The following SCARF1 variants were observed in gnomAD, a reference collection of about 807,000 sequenced individuals.
SCARF1 encodes the protein scavenger receptor class F member 1.
SCARF1 carries 49 observed loss-of-function variants against 76.3 expected under a neutral mutation model. The observed-to-expected ratio is 0.64, with a 90% CI of 0.51 to 0.81. The LOEUF (loss-of-function observed/expected upper bound fraction) is 0.81. Among genes scored for constraint, SCARF1 ranks in the 40% least tolerant of loss-of-function variants. The probability of loss-of-function intolerance (pLI) is 0.00; values close to 1 mark genes in which losing one functional copy is unlikely to be tolerated. For synonymous variants in SCARF1, 495 were observed against 474.6 expected (o/e 1.04, Z -0.56); for missense variants, 1,098 against 1,143.9 (o/e 0.96, Z 0.58).
intron 4 of SCARF1, among the ~76,000 whole-genome samples, chr17:1,641,102 G>A (rs182742446): frequency 2.7e-4 from 41 of 152,338 alleles, no homozygotes; most frequent in African/African-American, 8.7e-4. Context: ...TGCAAAAAAT[G>A]TAAAGTGTTT....
In SCARF1 at chr17:1,640,154, T is replaced by C. The variant is rs992524831; in HGVS notation, c.1011-114A>G. On this transcript the variant is annotated intron_variant, in intron 5 of 10. Transcript: ENST00000263071. This position sits in a 1 kb window ranked among gnomAD's most constrained non-coding sequence, Gnocchi z 4.7. Reference sequence around the variant, plus strand: ...ACTCAAGGACCCAACTGGCCACTCCTCAGCAGTGAAGCTCAGGTGCAAATA... The same window carrying C: ...ACTCAAGGACCCAACTGGCCACTCCCCAGCAGTGAAGCTCAGGTGCAAATA... The C allele has an allele frequency of 1.5e-6, 2 of 1,294,778 alleles. No homozygotes were observed. The highest frequency in any genetic ancestry group is 1.5e-5 in the African/African-American group (1 of 67,370). The allele number at this position is 1,294,778 out of a possible 1,614,324, so 80.2% of individuals were successfully genotyped here.
At position 1,634,883 on chromosome 17, in the gene SCARF1, C is replaced by A. The variant is rs1230514428; in HGVS notation, c.2368G>T (p.Ala790Ser). Residue 790 changes from alanine (A) to serine (S), a missense_variant, in exon 11 of 11, where the codon GCC becomes TCC. Coordinates refer to ENST00000263071, the MANE Select transcript of SCARF1 (RefSeq NM_003693.4). Reference sequence around the variant, plus strand: ...CCACAGCCAGAGACTGGCTCCTGGGCTCTCCTTGAACTCTCGGTGCCAGCC... The same window carrying A: ...CCACAGCCAGAGACTGGCTCCTGGGATCTCCTTGAACTCTCGGTGCCAGCC... Reference protein sequence around the residue: ...LGAGTESSRRAQEPVSGCGSP... With the variant: ...LGAGTESSRRSQEPVSGCGSP... The A allele has an allele frequency of 5.6e-6, 9 of 1,613,882 alleles. No individual in the cohort carries two copies. The Admixed American group carries it at 1.2e-4, about 21-fold the overall frequency.
At chr17:1,636,538 G>A (rs1425826035) in intron 10 of SCARF1, among the ~76,000 whole-genome samples, 171 bp downstream of exon 10, 3 of 152,252 alleles carry the variant, frequency 2.0e-5, no homozygotes, top group South Asian at 4.1e-4. Context: ...ACTTGAACCC[G>A]GGAGGCAGAG....
rs999089983 is a variant in SCARF1 at position 1,640,449 on chromosome 17, TG to T, written c.1008del (p.Arg337GlyfsTer30). 1 of 1,552,936 alleles carries T rather than the reference TG, an allele frequency of 6.4e-7. No homozygotes were observed. Among genetic ancestry groups the T allele is most frequent in the Non-Finnish European group, 8.7e-7 (1 of 1,148,590 alleles). On this transcript the variant is annotated frameshift_variant and splice_region_variant, in exon 5 of 11. Transcript: ENST00000263071. LOFTEE classifies it high-confidence loss of function. The surrounding 1 kb of genome is among the most constrained non-coding windows in gnomAD (Gnocchi z 4.7). The part of the protein sequence containing the change: ...CQRCDPGWLG[P>X]RCEDPCPTGT... ...CCCTGAACAGAATGGTGCCCTCACC[TG>T]GGCCCCAGCCAGCCAGGGTCACAGC...
Position 1,643,714 on chromosome 17 carries a change from C to T in SCARF1, c.519G>A (p.Glu173=), listed in dbSNP as rs2151100852. The T allele has an allele frequency of 1.5e-6, 2 of 1,340,594 alleles. No individual in the cohort carries two copies. Among genetic ancestry groups the T allele is most frequent in the Non-Finnish European group, 1.9e-6 (2 of 1,052,902 alleles). The allele number at this position is 1,340,594 out of a possible 1,614,324, so 83.0% of individuals were successfully genotyped here. ...CQCNTAAARC[E]QATGACVCKP... is the part of the protein sequence containing the mutation. Reference sequence around the variant, plus strand: ...TGCACACGCAGGCGCCCGTGGCCTGCTCGCAGCGCGCCGCCGCGGTGTTGC... The same window carrying T: ...TGCACACGCAGGCGCCCGTGGCCTGTTCGCAGCGCGCCGCCGCGGTGTTGC... Residue 173 remains glutamate (E), a synonymous_variant, in exon 4 of 11, where the codon GAG becomes GAA. Transcript: ENST00000263071.
chr17:1,643,285 ACCGGTGTCCGCCCCGCCCACCG>A, intron 4 of SCARF1, 135 bp downstream of exon 4: 1 of 32,952 alleles, frequency 3.0e-5, no homozygotes, highest in Non-Finnish European at 5.1e-5. Context: ...CGCCCCGCCC[ACCGGTGTCCGCCCCGCCCACCG>A]GTGTCCGCCC....
At chr17:1,635,639 C>T in intron 10 of SCARF1, 22 bp from the exon 11 acceptor site, 1 of 1,589,876 alleles carries the variant, frequency 6.3e-7, no homozygotes, top group South Asian at 1.1e-5. Context: ...GACAGAAGAG[C>T]TTGGCTGGAG....
Position 1,643,498 on chromosome 17 carries a change from T to A in SCARF1, c.735A>T (p.Gly245=). Residue 245 remains glycine, a synonymous_variant, in exon 4 of 11, where the codon GGA becomes GGT. Transcript: ENST00000263071. Reference sequence around the variant, plus strand: ...CCGGGCAGGGCAGCTCGCAGCGCGCTCCGCGGAAGCCGGGCGGGCAGGTGC... The same window carrying A: ...CCGGGCAGGGCAGCTCGCAGCGCGCACCGCGGAAGCCGGGCGGGCAGGTGC... ...GECTCPPGFR[G]ARCELPCPAG... is the part of the protein sequence containing the mutation. The A allele has an allele frequency of 1.5e-6, 2 of 1,338,186 alleles. No individual in the cohort carries two copies. Among genetic ancestry groups the A allele is most frequent in the Non-Finnish European group, 1.9e-6 (2 of 1,052,392 alleles). 82.9% of individuals were successfully genotyped at this position (1,338,186 alleles called of 1,614,324 possible). A position where few individuals can be genotyped will look rare whatever the true frequency, so the allele number is the denominator to read the frequency against.
Position 1,636,989 on chromosome 17 carries a change from T to A in SCARF1, c.1438A>T (p.Thr480Ser). 6.2e-7 allele frequency: 1 copy of A among 1,613,934 alleles called. No homozygotes were observed. The highest frequency in any genetic ancestry group is 1.1e-5 in the South Asian group (1 of 91,072). Residue 480 changes from threonine to serine, a missense_variant, in exon 9 of 11, where the codon ACG becomes TCG. Physicochemically the swap from Thr to Ser is moderately conservative, Grantham distance 58 (BLOSUM62 1). Transcript: ENST00000263071. The part of the protein sequence containing the change: ...VWGTLTSLGS[T>S]LPCRSLSSHK... ...GAGCTGAGGGAACGGCAGGGCAGCG[T>A]GGAGCCCAAGCTGGTCAGTGTCCCC...
rs543673772 is a variant in SCARF1 at position 1,643,900 on chromosome 17, G to A, written c.333C>T (p.Cys111=). ...ESCPCHPHGQ[C]EPATGACQCQ... ...ACTGGCACGCGCCCGTGGCTGGCTC[G>A]CACTGGCCGTGCGGGTGGCAGGGGC... The change falls in exon 4 of 11, where the codon TGC becomes TGT. Residue 111 remains cysteine (C), a synonymous_variant. Transcript: ENST00000263071. 742 of 1,331,118 alleles carry A rather than the reference G, an allele frequency of 5.6e-4. 5 individuals carry two copies. In the African/African-American group the frequency reaches 0.01, roughly 18 times the overall value. 82.5% of individuals were successfully genotyped at this position (1,331,118 alleles called of 1,614,324 possible).
chr17:1,642,004 G>A (rs1479714928), intron 4 of SCARF1, among the ~76,000 whole-genome samples: 1 of 152,154 alleles, frequency 6.6e-6, no homozygotes, highest in African/African-American at 2.4e-5. Context: ...TTACAGGCGT[G>A]AGCCACCGCG....
At chr17:1,638,686 TC>T (rs1319933535) in intron 8 of SCARF1, 119 bp downstream of exon 8, 14 of 777,442 alleles carry the variant, frequency 1.8e-5, no homozygotes, top group Non-Finnish European at 2.2e-5. Flanking sequence ...CCCACCCCCA[TC>T]ACCTCTGACC....
chr17:1,643,674 C>T lies in SCARF1; in HGVS notation c.559G>A (p.Gly187Arg). The T allele has an allele frequency of 6.8e-7, 1 of 1,464,952 alleles. No individual in the cohort carries two copies. The highest frequency in any genetic ancestry group is 9.0e-7 in the Non-Finnish European group (1 of 1,115,618). 90.7% of individuals were successfully genotyped at this position (1,464,952 alleles called of 1,614,324 possible). A position where few individuals can be genotyped will look rare whatever the true frequency, so the allele number is the denominator to read the frequency against. Residue 187 changes from glycine to arginine, a missense_variant, in exon 4 of 11, where the codon GGG becomes AGG. By Grantham distance (125) the Gly-to-Arg change is moderately radical. Transcript: ENST00000263071. Reference sequence around the variant, plus strand: ...TTGCAGCGGAAGCTGCAGCGGCGCCCCCACCAGCCCGGCTTGCACACGCAG... The same window carrying T: ...TTGCAGCGGAAGCTGCAGCGGCGCCTCCACCAGCCCGGCTTGCACACGCAG... ...GACVCKPGWW[G>R]RRCSFRCNCH...
rs866629099 is a variant in SCARF1, at chr17:1,639,904, A to G, written c.1139+8T>C. The G allele has an allele frequency of 1.2e-6, 2 of 1,613,008 alleles. No individual in the cohort carries two copies. The highest frequency in any genetic ancestry group is 8.5e-7 in the Non-Finnish European group (1 of 1,179,438). ...GCACTCTCCCGCCCCCGGGATCCCC[A>G]TCCTTACCTGGGCCCCCAGTAGCCG... On this transcript the variant is annotated splice_region_variant and intron_variant, in intron 6 of 10. Transcript: ENST00000263071.
chr17:1,635,873 C>T (rs1380533288), intron 10 of SCARF1, among the ~76,000 whole-genome samples: 9 of 151,940 alleles, frequency 5.9e-5, no homozygotes, highest in Non-Finnish European at 1.0e-4. Flanking sequence ...CCTCCCGCCT[C>T]AGCCTCCCAA....
rs773604062 is a variant in SCARF1, at chr17:1,635,051, GGC to G, written c.2198_2199del (p.Arg733ProfsTer76). 729 of 1,613,956 alleles carry G rather than the reference GGC, an allele frequency of 4.5e-4. No homozygotes were observed. The highest frequency in any genetic ancestry group is 5.7e-4 in the Non-Finnish European group (669 of 1,179,938). ...CTGCCCTTTTTCCGATTCAGGGCCT[GGC>G]GCGGAGGCTTAGGGATGGCCCTCTT... is the stretch of plus-strand genomic sequence containing the variant. ...KVKRAIPKPPRQALNRKKGSP... is the reference protein window; with the variant it reads ...KVKRAIPKPPXQALNRKKGSP... On this transcript the variant is annotated frameshift_variant, in exon 11 of 11. Transcript: ENST00000263071. LOFTEE classifies it low-confidence loss of function (END_TRUNC).
intron 4 of SCARF1, among the ~76,000 whole-genome samples, chr17:1,641,925 TTAGC>T (rs1910085275): frequency 6.6e-6 from 1 of 152,048 alleles, no homozygotes; most frequent in Non-Finnish European, 1.5e-5. Context: ...TTTCACCATG[TTAGC>T]CAGGCTGGTC....
At chr17:1,642,632 C>A (rs1420777537) in intron 4 of SCARF1, among the ~76,000 whole-genome samples, 1 of 152,110 alleles carries the variant, frequency 6.6e-6, no homozygotes, top group Non-Finnish European at 1.5e-5. Context: ...GCTAGCAGTG[C>A]TAGTATATTT....
At position 1,640,126 on chromosome 17, in the gene SCARF1, T is replaced by C. The variant is rs1030355096; in HGVS notation, c.1011-86A>G. 6.6e-7 allele frequency: 1 copy of C among 1,506,854 alleles called. No homozygotes were observed. The highest frequency in any genetic ancestry group is 9.0e-7 in the Non-Finnish European group (1 of 1,114,690). 93.3% of individuals were successfully genotyped at this position (1,506,854 alleles called of 1,614,324 possible). ...GCCCCACCCCTCCGCCCCACGCTCC[T>C]GGACTCAAGGACCCAACTGGCCACT... On this transcript the variant is annotated intron_variant, in intron 5 of 10. Transcript: ENST00000263071. This position sits in a 1 kb window ranked among gnomAD's most constrained non-coding sequence, Gnocchi z 4.7.
Sources: gnomAD v4.1 joint callset for allele counts (sites outside exome capture counted in the v4.1 genomes callset) on GRCh38, gnomAD v4.1.1 for gene constraint, Gnocchi (gnomAD v3.1) non-coding constraint, MANE v1.5 for transcripts, NCBI Gene and HGNC (gene_info 2026-07-23, HGNC 2026-07-21) for gene names.